DNM1: variants seen among roughly 807,000 people sequenced by gnomAD.
DNM1 encodes the protein dynamin 1, also known as dynamin-1.
DNM1 carries 29 observed loss-of-function variants against 104.6 expected under a neutral mutation model. That is an observed-to-expected ratio of 0.28 (90% CI 0.21 to 0.38). DNM1 has a LOEUF of 0.38. Among genes scored for constraint, DNM1 ranks in the 10% least tolerant of loss-of-function variants. DNM1 has a pLI of 1.00. For missense variants in DNM1, 640 were observed against 1,189.4 expected, an observed-to-expected ratio of 0.54 and a Z score of 6.79; for synonymous variants, 445 against 475.8, an observed-to-expected ratio of 0.94 and a Z score of 0.84.
chr9:128,222,435 C>A lies in DNM1; in HGVS notation c.993-26C>A, dbSNP rs1322820520. The A allele has an allele frequency of 1.2e-6, 2 of 1,613,402 alleles. No individual in the cohort carries two copies. The highest frequency in any genetic ancestry group is 2.7e-5 in the African/African-American group (2 of 74,916). Reference sequence around the variant, plus strand: ...CCCTTTGCTGGGCTGCTCCTGCCCCCTCAGGCCACACCACTCTCCCACCAG... The same window carrying A: ...CCCTTTGCTGGGCTGCTCCTGCCCCATCAGGCCACACCACTCTCCCACCAG... On this transcript the variant is annotated intron_variant, in intron 7 of 21. Coordinates refer to ENST00000372923, the MANE Select transcript of DNM1 (RefSeq NM_004408.4). The surrounding 1 kb of genome is among the most constrained non-coding windows in gnomAD (Gnocchi z 7.8).
rs1363236479 is a variant in DNM1 at position 128,254,728 on chromosome 9, C to G, written c.*14C>G. 3 of 1,594,848 alleles carry G rather than the reference C, an allele frequency of 1.9e-6. No individual in the cohort carries two copies. Among genetic ancestry groups the G allele is most frequent in the Non-Finnish European group, 2.5e-6 (3 of 1,178,594 alleles). On this transcript the variant is annotated 3_prime_UTR_variant, in exon 22 of 22. Transcript: ENST00000372923. The surrounding 1 kb of genome is among the most constrained non-coding windows in gnomAD (Gnocchi z 6.1). ...TTCGACCTCTAAACAGATCCCTCCT[C>G]TTCTCGGAGACCTCCCTTTCCAAGC...
At chr9:128,208,193 G>A (rs1312144263) in intron 1 of DNM1, among the ~76,000 whole-genome samples, 1 of 152,054 alleles carries the variant, frequency 6.6e-6, no homozygotes, top group Non-Finnish European at 1.5e-5. Flanking sequence ...CCAAGTAGCT[G>A]GGATTACAGG....
In DNM1 at chr9:128,218,176, G is replaced by A. The variant is rs1398424915; in HGVS notation, c.162-55G>A. 3.2e-6 allele frequency: 5 copies of A among 1,561,780 alleles called. No individual in the cohort carries two copies. The highest frequency in any genetic ancestry group is 4.4e-6 in the Non-Finnish European group (5 of 1,132,398). ...CCAGGGGCCGGACAGGTACCCCTGG[G>A]ACAGAGGGCGCCCCCTCATATCTTG... On this transcript the variant is annotated intron_variant, in intron 1 of 21. Coordinates refer to ENST00000372923, the MANE Select transcript of DNM1 (RefSeq NM_004408.4). The surrounding 1 kb of genome is among the most constrained non-coding windows in gnomAD (Gnocchi z 4.8).
chr9:128,236,225 A>G (rs1836002128), intron 11 of DNM1, among the ~76,000 whole-genome samples: 2 of 152,180 alleles, frequency 1.3e-5, no homozygotes, highest in South Asian at 4.1e-4. Flanking sequence ...AGCAGAGGTG[A>G]GCAGGGCCCA....
chr9:128,214,814 C>T (rs1314052424), intron 1 of DNM1, among the ~76,000 whole-genome samples: 2 of 152,262 alleles, frequency 1.3e-5, no homozygotes, highest in Non-Finnish European at 2.9e-5. Context: ...GCACAGCACG[C>T]GGCCTCCGAG....
In DNM1 at chr9:128,240,625, T is replaced by C. The variant is rs1239954677; in HGVS notation, c.1557+629T>C. On this transcript the variant is annotated intron_variant, in intron 14 of 21. Coordinates refer to ENST00000372923, the MANE Select transcript of DNM1 (RefSeq NM_004408.4). This position sits in a 1 kb window ranked among gnomAD's most constrained non-coding sequence, Gnocchi z 5.1. Reference sequence around the variant, plus strand: ...AGGGCTGAGTCTGTCCCGTTTATCATTAAATCCTCAGCTCAAGCCCCTAGC... The same window carrying C: ...AGGGCTGAGTCTGTCCCGTTTATCACTAAATCCTCAGCTCAAGCCCCTAGC... 6.5e-6 allele frequency: 1 copy of C among 152,734 alleles called. No homozygotes were observed. Among genetic ancestry groups the C allele is most frequent in the East Asian group, 1.9e-4 (1 of 5,170 alleles). 9.5% of individuals were successfully genotyped at this position (152,734 alleles called of 1,614,324 possible).
chr9:128,205,192 C>A (rs1833856413), intron 1 of DNM1, among the ~76,000 whole-genome samples: 2 of 152,182 alleles, frequency 1.3e-5, no homozygotes, highest in South Asian at 4.1e-4. Context: ...GCCCCTTCCC[C>A]AAGGGCCAGC....
intron 20 of DNM1, 63 bp from the exon 21 acceptor site, chr9:128,250,662 C>G (rs1554785633): frequency 7.6e-7 from 1 of 1,317,548 alleles, no homozygotes; most frequent in Non-Finnish European, 9.9e-7. Flanking sequence ...TGGGGCGGGG[C>G]CTCTGGGTGG....
At chr9:128,226,454 G>T (rs1835349021) in intron 10 of DNM1, among the ~76,000 whole-genome samples, 1 of 152,262 alleles carries the variant, frequency 6.6e-6, no homozygotes, top group Non-Finnish European at 1.5e-5. Flanking sequence ...CACCTACTAT[G>T]TGCCAAGCAC....
Position 128,242,178 on chromosome 9 carries a change from C to T in DNM1, c.1558-54C>T, listed in dbSNP as rs777254196. 10 of 1,024,466 alleles carry T rather than the reference C, an allele frequency of 9.8e-6. No individual in the cohort carries two copies. The African/African-American group carries it at 1.3e-4, about 13-fold the overall frequency. The allele number at this position is 1,024,466 out of a possible 1,614,324, so 63.5% of individuals were successfully genotyped here. A position where few individuals can be genotyped will look rare whatever the true frequency, so the allele number is the denominator to read the frequency against. On this transcript the variant is annotated intron_variant, in intron 14 of 21. Coordinates refer to ENST00000372923, the MANE Select transcript of DNM1 (RefSeq NM_004408.4). ...ATGCCTCTCTTTGCCTACCCCATCC[C>T]CCATGGGGAGGCTCAGGCCCTGTCC... is the stretch of plus-strand genomic sequence containing the variant.
chr9:128,208,081 T>A (rs3003616), intron 1 of DNM1, among the ~76,000 whole-genome samples: 4 of 150,222 alleles, frequency 2.7e-5, no homozygotes, highest in African/African-American at 9.8e-5. Flanking sequence ...TTTTTTGAGA[T>A]GGAGTCTCAC....
intron 15 of DNM1, among the ~76,000 whole-genome samples, chr9:128,246,051 G>A (rs572533932): frequency 1.2e-4 from 18 of 152,336 alleles, no homozygotes; most frequent in South Asian, 4.1e-4. Context: ...CGGCCAGGCC[G>A]GGGGTGAGAG....
rs1418824611 is a variant in DNM1, at chr9:128,224,133, G to A, written c.1197-118G>A. 13 of 1,317,298 alleles carry A rather than the reference G, an allele frequency of 9.9e-6. No individual in the cohort carries two copies. The East Asian group carries it at 2.9e-4, about 30-fold the overall frequency. The allele number at this position is 1,317,298 out of a possible 1,614,324, so 81.6% of individuals were successfully genotyped here. A position where few individuals can be genotyped will look rare whatever the true frequency, so the allele number is the denominator to read the frequency against. ...AACTGGGGACACTGAGGCCCAGAGAGGGGTAGTGGAAGGGCCCCTCAGGCA... is the reference window on the plus strand; with the variant it reads ...AACTGGGGACACTGAGGCCCAGAGAAGGGTAGTGGAAGGGCCCCTCAGGCA... On this transcript the variant is annotated intron_variant, in intron 9 of 21. Coordinates refer to ENST00000372923, the MANE Select transcript of DNM1 (RefSeq NM_004408.4). This position sits in a 1 kb window ranked among gnomAD's most constrained non-coding sequence, Gnocchi z 4.3.
chr9:128,254,572 C>CA lies in DNM1; in HGVS notation c.2535-82_2535-81insA. The stretch of plus-strand genomic sequence containing the variant: ...ACCACTGCTGCGGCGCGGCCGGCCC[C>CA]GGCCGTGTGCTGCGCTTGCCTTACC... On this transcript the variant is annotated intron_variant, in intron 21 of 21. Coordinates refer to ENST00000372923, the MANE Select transcript of DNM1 (RefSeq NM_004408.4). This position sits in a 1 kb window ranked among gnomAD's most constrained non-coding sequence, Gnocchi z 6.1. 1 of 1,588,804 alleles carries CA rather than the reference C, an allele frequency of 6.3e-7. No individual in the cohort carries two copies. Among genetic ancestry groups the CA allele is most frequent in the Non-Finnish European group, 8.5e-7 (1 of 1,174,370 alleles).
At chr9:128,226,332 A>G (rs879395177) in intron 10 of DNM1, among the ~76,000 whole-genome samples, 4 of 152,156 alleles carry the variant, frequency 2.6e-5, no homozygotes, top group Non-Finnish European at 4.4e-5. Flanking sequence ...ACTTGCACTC[A>G]TGACCCCTCC....
At position 128,222,479 on chromosome 9, in the gene DNM1, C is replaced by T. The variant is rs753714670; in HGVS notation, c.1011C>T (p.Ala337=). ...CCACCAGGATGGTCCAGCAGTTCGCCGTAGACTTTGAGAAGCGCATTGAGG... is the reference window on the plus strand; with the variant it reads ...CCACCAGGATGGTCCAGCAGTTCGCTGTAGACTTTGAGAAGCGCATTGAGG... ...KALLQMVQQF[A]VDFEKRIEGS... The change falls in exon 8 of 22, where the codon GCC becomes GCT. Residue 337 remains alanine (A), a synonymous_variant. Coordinates refer to ENST00000372923, the MANE Select transcript of DNM1 (RefSeq NM_004408.4). The surrounding 1 kb of genome is among the most constrained non-coding windows in gnomAD (Gnocchi z 7.8). 1.3e-5 allele frequency: 21 copies of T among 1,614,038 alleles called. No homozygotes were observed. The highest frequency in any genetic ancestry group is 6.7e-5 in the East Asian group (3 of 44,894).
Position 128,239,755 on chromosome 9 carries a change from C to G in DNM1, c.1521C>G (p.Asn507Lys). 1.2e-6 allele frequency: 2 copies of G among 1,613,830 alleles called. No homozygotes were observed. The highest frequency in any genetic ancestry group is 1.1e-5 in the South Asian group (1 of 91,044). ...CTCAGCAGAGGAGCAACCAGATGAACAAGAAGAAGACTTCAGGGAACCAGG... is the reference window on the plus strand; with the variant it reads ...CTCAGCAGAGGAGCAACCAGATGAAGAAGAAGAAGACTTCAGGGAACCAGG... The part of the protein sequence containing the change: ...ANAQQRSNQM[N>K]KKKTSGNQDE... Residue 507 changes from asparagine (N) to lysine (K), a missense_variant, in exon 13 of 22, where the codon AAC becomes AAG. This residue lies in a region of DNM1 where 91 missense variants were observed against 256.3 expected (regional missense o/e 0.36). Coordinates refer to ENST00000372923, the MANE Select transcript of DNM1 (RefSeq NM_004408.4).
rs536456652 is a variant in DNM1 at position 128,220,668 on chromosome 9, G to T, written c.849+327G>T. Among the ~76,000 whole-genome samples, 47 of 151,864 alleles carry T rather than the reference G, an allele frequency of 3.1e-4. No individual in the cohort carries two copies. Among genetic ancestry groups the T allele is most frequent in the African/African-American group, 1.1e-3 (46 of 41,524 alleles). On this transcript the variant is annotated intron_variant, in intron 6 of 21. Transcript: ENST00000372923. The surrounding 1 kb of genome is among the most constrained non-coding windows in gnomAD (Gnocchi z 5.2). Reference sequence around the variant, plus strand: ...ATACTCGGCTGAAGACCTTGACAGGGAATCCCAGGGGCTTCCCCAGGACTT... The same window carrying T: ...ATACTCGGCTGAAGACCTTGACAGGTAATCCCAGGGGCTTCCCCAGGACTT...
In DNM1 at chr9:128,222,923, C is replaced by A; in HGVS notation, c.1196+63C>A. On this transcript the variant is annotated intron_variant, in intron 9 of 21. Coordinates refer to ENST00000372923, the MANE Select transcript of DNM1 (RefSeq NM_004408.4). This position sits in a 1 kb window ranked among gnomAD's most constrained non-coding sequence, Gnocchi z 7.8. ...AAGTAGGGGGTCTGGGACAGAGGCA[C>A]AGGGAGTGATGAAGTGGGCCTCCCT... The A allele has an allele frequency of 6.6e-7, 1 of 1,522,942 alleles. No individual in the cohort carries two copies. Among genetic ancestry groups the A allele is most frequent in the Non-Finnish European group, 9.1e-7 (1 of 1,100,320 alleles). 94.3% of individuals were successfully genotyped at this position (1,522,942 alleles called of 1,614,324 possible).
Sources: gnomAD v4.1 joint callset for allele counts (sites outside exome capture counted in the v4.1 genomes callset) on GRCh38, gnomAD v4.1.1 for gene constraint, gnomAD v4.1.1 regional missense constraint, Gnocchi (gnomAD v3.1) non-coding constraint, MANE v1.5 for transcripts, NCBI Gene and HGNC (gene_info 2026-07-23, HGNC 2026-07-21) for gene names.